GYPB: variants seen among roughly 807,000 people sequenced by gnomAD.
The protein encoded by GYPB is glycophorin-B.
GYPB carries 13 observed loss-of-function variants against 15.3 expected under a neutral mutation model. That is an observed-to-expected ratio of 0.85 (90% CI 0.55 to 1.35). GYPB has a LOEUF of 1.35. Among genes scored for constraint, GYPB ranks in the 40% most tolerant of loss-of-function variants. The probability of loss-of-function intolerance (pLI) is 0.00; values close to 1 mark genes in which losing one functional copy is unlikely to be tolerated. For missense variants in GYPB, 131 were observed against 108.3 expected (o/e 1.21, Z -0.93); for synonymous variants, 38 against 36.9 (o/e 1.03, Z -0.11).
chr4:143,995,500 G>A (rs1727276112), downstream of GYPB, among the ~76,000 whole-genome samples: 1 of 151,256 alleles, frequency 6.6e-6, no homozygotes, highest in Non-Finnish European at 1.5e-5. Context: ...TGGGACCCCA[G>A]GTCCTTTGGT....
intron 3 of GYPB, chr4:143,999,201 C>G (rs1165149989): frequency 2.2e-6 from 1 of 450,572 alleles, no homozygotes; most frequent in Non-Finnish European, 4.0e-6. Flanking sequence ...GAGCCACGGC[C>G]CCTGGCCCCC....
At chr4:143,995,785 A>G (rs945736618), downstream of GYPB, among the ~76,000 whole-genome samples, 4 of 151,450 alleles carry the variant, frequency 2.6e-5, no homozygotes, top group African/African-American at 9.8e-5. Flanking sequence ...AGATTTGAAT[A>G]GAATTTGGTC....
chr4:144,013,252 TA>T (rs1273680478), intron 1 of GYPB, among the ~76,000 whole-genome samples: 11 of 150,946 alleles, frequency 7.3e-5, no homozygotes, highest in Non-Finnish European at 1.0e-4. Context: ...TGGCAATCAT[TA>T]AAAAGTCAGG....
intron 3 of GYPB, among the ~76,000 whole-genome samples, chr4:143,998,288 CAATT>C (rs1051271097): frequency 7.3e-5 from 11 of 151,450 alleles, no homozygotes; most frequent in Middle Eastern, 3.4e-3. Flanking sequence ...CAATTGAAAT[CAATT>C]AAGTAAGAGA....
chr4:144,009,169 G>C (rs574315792), intron 1 of GYPB, among the ~76,000 whole-genome samples: 6 of 151,272 alleles, frequency 4.0e-5, no homozygotes, highest in Non-Finnish European at 8.8e-5. Flanking sequence ...ATCAGTGTGT[G>C]AAACAGACAG....
At chr4:144,011,139 G>C (rs1728199228) in intron 1 of GYPB, among the ~76,000 whole-genome samples, 1 of 144,598 alleles carries the variant, frequency 6.9e-6, no homozygotes, top group South Asian at 2.2e-4. Context: ...CCAACATTTT[G>C]GGAGGCTGAG....
At chr4:143,997,973 C>A (rs979057604) in intron 3 of GYPB, among the ~76,000 whole-genome samples, 11 of 150,616 alleles carry the variant, frequency 7.3e-5, no homozygotes, top group Admixed American at 3.3e-4. Context: ...GGAAAAAAAC[C>A]CACAAATTCT....
At position 144,016,244 on chromosome 4, in the gene GYPB, A is replaced by C. The variant is rs545337744; in HGVS notation, c.37+3007T>G. Among the ~76,000 whole-genome samples, 105 of 148,896 alleles carry C rather than the reference A, an allele frequency of 7.1e-4. 8 individuals carry two copies. The highest frequency in any genetic ancestry group is 2.6e-3 in the African/African-American group (103 of 39,524). On this transcript the variant is annotated intron_variant, in intron 1 of 4. Coordinates refer to ENST00000502664, the MANE Select transcript of GYPB (RefSeq NM_002100.6). ...CTGCAGGGGTATGAGTCAGATGCAC[A>C]GGGTAATAATGATCTGTCTATGCGG...
chr4:143,997,559 C>T lies in GYPB; in HGVS notation c.251G>A (p.Ser84Asn). 5 of 1,584,012 alleles carry T rather than the reference C, an allele frequency of 3.2e-6. No homozygotes were observed. The highest frequency in any genetic ancestry group is 4.3e-6 in the Non-Finnish European group (5 of 1,155,330). Reference sequence around the variant, plus strand: ...TCTCACCTTTATCAGTCGGCGAATACTGTAAGAAATTAAGAGGATCGTTCC... The same window carrying T: ...TCTCACCTTTATCAGTCGGCGAATATTGTAAGAAATTAAGAGGATCGTTCC... ...IIGTILLISY[S>N]IRRLIKA Residue 84 changes from serine (S) to asparagine (N), a missense_variant, in exon 4 of 5, where the codon AGT (serine) becomes AAT (asparagine). Ser to Asn is a conservative substitution (Grantham distance 46, BLOSUM62 1). Transcript: ENST00000502664.
intron 1 of GYPB, among the ~76,000 whole-genome samples, chr4:144,016,324 C>T (rs1309785906): frequency 6.7e-6 from 1 of 150,348 alleles, no homozygotes; most frequent in Non-Finnish European, 1.5e-5. Flanking sequence ...TCCTCCTCCC[C>T]TTCCTCCTGT....
At chr4:144,011,547 C>G (rs1419911413) in intron 1 of GYPB, among the ~76,000 whole-genome samples, 2 of 150,724 alleles carry the variant, frequency 1.3e-5, no homozygotes, top group East Asian at 3.9e-4. Context: ...CATTATAGCC[C>G]AATAATATAG....
chr4:143,999,852 T>C (rs1303015021), intron 2 of GYPB, among the ~76,000 whole-genome samples: 1 of 151,022 alleles, frequency 6.6e-6, no homozygotes, highest in African/African-American at 2.5e-5. Context: ...CAAAGAAGGG[T>C]CATGCGGCTA....
intron 1 of GYPB, among the ~76,000 whole-genome samples, chr4:144,013,101 C>T (rs1366516280): frequency 6.6e-6 from 1 of 151,656 alleles, no homozygotes; most frequent in East Asian, 1.9e-4. Flanking sequence ...AACTTAGCAA[C>T]AGAAAGACAA....
At chr4:143,998,277 A>T (rs1299403513) in intron 3 of GYPB, among the ~76,000 whole-genome samples, 1 of 151,488 alleles carries the variant, frequency 6.6e-6, no homozygotes, top group African/African-American at 2.5e-5. Flanking sequence ...TGGGAATGAA[A>T]CAATTGAAAT....
chr4:144,000,827 G>A (rs932010456), intron 2 of GYPB, among the ~76,000 whole-genome samples: 2 of 151,216 alleles, frequency 1.3e-5, no homozygotes, highest in African/African-American at 4.9e-5. Context: ...CCCTGGGTCA[G>A]CAGCTGGGAT....
intron 1 of GYPB, among the ~76,000 whole-genome samples, chr4:144,001,968 CAAAAAAA>C (rs374342942): frequency 1.0e-5 from 1 of 96,284 alleles, no homozygotes; most frequent in Non-Finnish European, 1.9e-5. Flanking sequence ...GATTCCGTTT[CAAAAAAA>C]AAAAAAAAAA....
intron 1 of GYPB, among the ~76,000 whole-genome samples, chr4:144,009,608 T>C (rs1378953756): frequency 2.4e-4 from 24 of 100,710 alleles, no homozygotes; most frequent in Admixed American, 3.0e-4. Context: ...TTTCTTTTTT[T>C]TTTTTTTTTT....
At chr4:144,003,517 G>C (rs546559330) in intron 1 of GYPB, among the ~76,000 whole-genome samples, 26 of 151,456 alleles carry the variant, frequency 1.7e-4, no homozygotes, top group African/African-American at 6.1e-4. Flanking sequence ...AACCAACAAT[G>C]GGAGCTAACA....
intron 1 of GYPB, among the ~76,000 whole-genome samples, chr4:144,015,662 C>G (rs1183080703): frequency 6.6e-6 from 1 of 151,342 alleles, no homozygotes; most frequent in African/African-American, 2.5e-5. Context: ...GATACCATCC[C>G]TACTTTCCCC....
Sources: allele counts gnomAD v4.1 joint callset (sites outside exome capture counted in the v4.1 genomes callset), GRCh38; gene constraint gnomAD v4.1.1; transcripts MANE v1.5; gene names NCBI Gene and HGNC (gene_info 2026-07-23, HGNC 2026-07-21).